Variants in BCL9 observed in about 807,000 individuals in gnomAD.
The protein encoded by BCL9 is B-cell CLL/lymphoma 9 protein.
BCL9 carries 25 observed loss-of-function variants against 88.5 expected under a neutral mutation model. The observed-to-expected ratio is 0.28, with a 90% CI of 0.21 to 0.39. The LOEUF (loss-of-function observed/expected upper bound fraction) is 0.39. BCL9 is among the 10% of genes least tolerant of loss of function. BCL9 has a pLI of 1.00. For synonymous variants in BCL9, 711 were observed against 673.3 expected (o/e 1.06, Z -0.87); for missense variants, 1,817 against 1,877.8 (o/e 0.97, Z 0.60).
At chr1:147,576,377 TA>T (rs1656113650) in intron 1 of BCL9, among the ~76,000 whole-genome samples, 1 of 152,202 alleles carries the variant, frequency 6.6e-6, no homozygotes, top group Admixed American at 6.5e-5. Flanking sequence ...TATATCATTT[TA>T]AAGGTATTAT....
intron 1 of BCL9, among the ~76,000 whole-genome samples, chr1:147,594,291 T>C (rs922126436): frequency 6.6e-6 from 1 of 152,000 alleles, no homozygotes; most frequent in Non-Finnish European, 1.5e-5. Flanking sequence ...AAACAAGAAA[T>C]TGATTTAAGG....
At chr1:147,610,604 T>C (rs1386687171) in intron 3 of BCL9, among the ~76,000 whole-genome samples, 1 of 152,162 alleles carries the variant, frequency 6.6e-6, no homozygotes, top group Non-Finnish European at 1.5e-5. Context: ...TTCTCCTCCT[T>C]CATTCCTATA....
rs1276079015 is a variant in BCL9, at chr1:147,614,279, T to C, written c.371-148T>C. The C allele has an allele frequency of 1.1e-5, 8 of 739,896 alleles. No individual in the cohort carries two copies. In the African/African-American group the frequency reaches 1.4e-4, roughly 13 times the overall value. 45.8% of individuals were successfully genotyped at this position (739,896 alleles called of 1,614,324 possible). ...TTAGTCATTTGAGAGAGAAGAGTAT[T>C]TGAAATTTTATAAGTAGAAGAGGTT... On this transcript the variant is annotated intron_variant, in intron 5 of 9. Transcript: ENST00000234739.
At chr1:147,607,403 C>T (rs1657773720) in intron 3 of BCL9, among the ~76,000 whole-genome samples, 1 of 152,108 alleles carries the variant, frequency 6.6e-6, no homozygotes, top group South Asian at 2.1e-4. Context: ...GCTGTGTATA[C>T]AGAGATGAGT....
At chr1:147,598,729 C>T (rs1164716740) in intron 1 of BCL9, among the ~76,000 whole-genome samples, 1 of 152,180 alleles carries the variant, frequency 6.6e-6, no homozygotes, top group Non-Finnish European at 1.5e-5. Flanking sequence ...AGAAGAGCTG[C>T]GGGGTCAGTG....
In BCL9 at chr1:147,594,540, C is replaced by G. The variant is rs587667343; in HGVS notation, c.-477-10237C>G. ...GAGCTAGACTTGTAGATGTGCTGGTCATAGTTAAAGTTCTTTAAACTTCAA... is the reference window on the plus strand; with the variant it reads ...GAGCTAGACTTGTAGATGTGCTGGTGATAGTTAAAGTTCTTTAAACTTCAA... On this transcript the variant is annotated intron_variant, in intron 1 of 9. Transcript: ENST00000234739. Among the ~76,000 whole-genome samples, 9 of 152,198 alleles carry G rather than the reference C, an allele frequency of 5.9e-5. No homozygotes were observed. In the East Asian group the frequency reaches 1.7e-3, roughly 29 times the overall value.
rs1553204515 is a variant in BCL9 at position 147,619,378 on chromosome 1, C to T, written c.1223C>T (p.Ala408Val). ...AAAAAACCAGAAGGGCCAATACAGG[C>T]CATGATGGCCCAATCCCAAAGCCTA... ...PQKKPEGPIQ[A>V]MMAQSQSLGK... Residue 408 changes from alanine to valine, a missense_variant, in exon 8 of 10, where the codon GCC (alanine) becomes GTC (valine). Physicochemically the swap from Ala to Val is moderately conservative, Grantham distance 64. Transcript: ENST00000234739. This position sits in a 1 kb window ranked among gnomAD's most constrained non-coding sequence, Gnocchi z 4.1. 3.1e-6 allele frequency: 5 copies of T among 1,614,090 alleles called. No individual in the cohort carries two copies. Among genetic ancestry groups the T allele is most frequent in the South Asian group, 1.1e-5 (1 of 91,080 alleles).
At chr1:147,610,152 C>G (rs1553202440) in intron 3 of BCL9, among the ~76,000 whole-genome samples, 4 of 138,500 alleles carry the variant, frequency 2.9e-5, no homozygotes, top group African/African-American at 1.1e-4. Context: ...ACTTGACAAC[C>G]AGAATCCATT....
In BCL9 at chr1:147,619,268, C is replaced by G; in HGVS notation, c.1113C>G (p.Arg371=). Residue 371 remains arginine, a synonymous_variant, in exon 8 of 10, where the codon CGC becomes CGG. Coordinates refer to ENST00000234739, the MANE Select transcript of BCL9 (RefSeq NM_004326.4). This position sits in a 1 kb window ranked among gnomAD's most constrained non-coding sequence, Gnocchi z 4.1. ...RSLQTLRDIQ[R]MLFPDEKEFT... ...TACAAACTCTCAGAGATATCCAGCGCATGCTTTTTCCTGATGAGAAAGAAT... is the reference window on the plus strand; with the variant it reads ...TACAAACTCTCAGAGATATCCAGCGGATGCTTTTTCCTGATGAGAAAGAAT... The G allele has an allele frequency of 6.2e-7, 1 of 1,614,166 alleles. No individual in the cohort carries two copies. The highest frequency in any genetic ancestry group is 1.3e-5 in the African/African-American group (1 of 75,054).
intron 1 of BCL9, among the ~76,000 whole-genome samples, chr1:147,601,015 A>T (rs1553201205): frequency 6.6e-6 from 1 of 152,180 alleles, no homozygotes; most frequent in African/African-American, 2.4e-5. Flanking sequence ...GTAAAACAAC[A>T]GCAGGGTTGG....
chr1:147,623,038 CTA>C (rs1658729533), intron 9 of BCL9, among the ~76,000 whole-genome samples: 1 of 151,682 alleles, frequency 6.6e-6, no homozygotes, highest in Non-Finnish European at 1.5e-5. Context: ...ACCTTCATTC[CTA>C]TACCCACCCC....
At chr1:147,580,220 G>C (rs1553198478) in intron 1 of BCL9, among the ~76,000 whole-genome samples, 2 of 152,174 alleles carry the variant, frequency 1.3e-5, no homozygotes, top group Non-Finnish European at 2.9e-5. Context: ...AACCAATCCT[G>C]TGTGCTAGAG....
intron 1 of BCL9, among the ~76,000 whole-genome samples, chr1:147,585,463 T>G (rs2101558837): frequency 6.6e-6 from 1 of 152,230 alleles, no homozygotes; most frequent in East Asian, 1.9e-4. Context: ...CACAAGATGC[T>G]AACGATGGGG....
At chr1:147,600,488 G>A (rs1225634028) in intron 1 of BCL9, among the ~76,000 whole-genome samples, 6 of 150,406 alleles carry the variant, frequency 4.0e-5, no homozygotes, top group African/African-American at 7.3e-5. Flanking sequence ...AGGGGCGGGG[G>A]CCAGGGTTGC....
chr1:147,618,731 C>T lies in BCL9; in HGVS notation c.661-85C>T, dbSNP rs1004855320. ...TCAGTTAGATTTATGTGCCTGGGGA[C>T]AATTCCTTTATAACATATCTTGCTC... On this transcript the variant is annotated intron_variant, in intron 7 of 9. Coordinates refer to ENST00000234739, the MANE Select transcript of BCL9 (RefSeq NM_004326.4). 3.9e-6 allele frequency: 5 copies of T among 1,292,952 alleles called. No individual in the cohort carries two copies. In the Admixed American group the frequency reaches 8.2e-5, roughly 21 times the overall value. The allele number at this position is 1,292,952 out of a possible 1,614,324, so 80.1% of individuals were successfully genotyped here. A position where few individuals can be genotyped will look rare whatever the true frequency, so the allele number is the denominator to read the frequency against.
chr1:147,611,127 G>A (rs1002589283), intron 3 of BCL9, among the ~76,000 whole-genome samples: 9 of 152,044 alleles, frequency 5.9e-5, no homozygotes, highest in Non-Finnish European at 1.2e-4. Flanking sequence ...AAATTGGGGG[G>A]GTTGTTTCAT....
chr1:147,615,141 A>G (rs1658210344), intron 6 of BCL9, among the ~76,000 whole-genome samples: 1 of 152,166 alleles, frequency 6.6e-6, no homozygotes, highest in East Asian at 1.9e-4. Flanking sequence ...GCGCCTGGCC[A>G]TATATACCTC....
chr1:147,557,378 A>G (rs1386406762), intron 1 of BCL9, among the ~76,000 whole-genome samples: 2 of 152,220 alleles, frequency 1.3e-5, no homozygotes, highest in African/African-American at 2.4e-5. Flanking sequence ...TTACAGATAT[A>G]TCCTTGCAGC....
At chr1:147,554,779 T>C (rs1266583468) in intron 1 of BCL9, among the ~76,000 whole-genome samples, 3 of 152,170 alleles carry the variant, frequency 2.0e-5, no homozygotes, top group Non-Finnish European at 4.4e-5. Context: ...ATAGTGGAAA[T>C]AGTTATTTTA....
Sources: gnomAD v4.1 joint callset for allele counts (sites outside exome capture counted in the v4.1 genomes callset) on GRCh38, gnomAD v4.1.1 for gene constraint, Gnocchi (gnomAD v3.1) non-coding constraint, MANE v1.5 for transcripts, NCBI Gene and HGNC (gene_info 2026-07-23, HGNC 2026-07-21) for gene names.